SAMD5: variants seen among roughly 807,000 people sequenced by gnomAD.
SAMD5 encodes sterile alpha motif domain containing 5.
A neutral mutation model predicts 11.3 loss-of-function variants in SAMD5; 13 were observed. The ratio of observed to expected loss-of-function variants is 1.15; its 90% CI spans 0.75 to 1.83. The LOEUF (loss-of-function observed/expected upper bound fraction) is 1.83, where lower values mean the gene tolerates loss of function less well. Among genes scored for constraint, SAMD5 ranks in the 40% most tolerant of loss-of-function variants. The pLI is 0.00. For missense variants in SAMD5, 255 were observed against 239.1 expected (o/e 1.07, Z -0.44); for synonymous variants, 129 against 111.3 (o/e 1.16, Z -1.00).
At chr6:147,871,022 A>G in the SAMD5 span, among the ~76,000 whole-genome samples, 1 of 152,192 alleles carries the variant, frequency 6.6e-6, no homozygotes, top group African/African-American at 2.4e-5. Flanking sequence ...CTTGCCAGCC[A>G]TAGTGAAGTT....
chr6:147,893,316 G>C, the SAMD5 span, among the ~76,000 whole-genome samples: 7,152 of 152,170 alleles, frequency 0.047, 214 homozygotes, highest in Middle Eastern at 0.055. Context: ...TGGAGGATTA[G>C]AGGAGTTACA....
At chr6:147,929,236 A>C in the SAMD5 span, among the ~76,000 whole-genome samples, 1 of 152,172 alleles carries the variant, frequency 6.6e-6, no homozygotes, top group African/African-American at 2.4e-5. Context: ...TGTCAAAGTC[A>C]GGTAGTCAAG....
In SAMD5 at chr6:147,562,808, C is replaced by T. The variant is rs562459454; in HGVS notation, c.460-1586C>T. Among the ~76,000 whole-genome samples the T allele has an allele frequency of 1.7e-4, 25 of 151,016 alleles. No individual in the cohort carries two copies. The South Asian group carries it at 2.5e-3, about 15-fold the overall frequency. ...CTGCACTCCAGCCTGGGAGACAGAG[C>T]GAGACTCCGTCTCAAAAAAAAATAA... On this transcript the variant is annotated intron_variant, in intron 1 of 1. Transcript: ENST00000367474.
the SAMD5 span, among the ~76,000 whole-genome samples, chr6:147,805,991 A>G: frequency 6.6e-6 from 1 of 152,154 alleles, no homozygotes; most frequent in South Asian, 2.1e-4. Flanking sequence ...AGCTGCATCC[A>G]GACAGTCTCA....
intron 1 of SAMD5, among the ~76,000 whole-genome samples, chr6:147,691,194 A>G (rs1791098371): frequency 6.6e-6 from 1 of 152,060 alleles, no homozygotes; most frequent in South Asian, 2.1e-4. Flanking sequence ...CAGTTTTGCT[A>G]TGTTGGTCAG....
the SAMD5 span, among the ~76,000 whole-genome samples, chr6:147,770,970 G>A: frequency 6.6e-6 from 1 of 152,200 alleles, no homozygotes; most frequent in Non-Finnish European, 1.5e-5. Flanking sequence ...GCATTTGAAA[G>A]TCATCATATA....
At chr6:147,616,288 C>A (rs12177642) in intron 1 of SAMD5, among the ~76,000 whole-genome samples, 3 of 103,592 alleles carry the variant, frequency 2.9e-5, no homozygotes, top group Non-Finnish European at 5.0e-5. Context: ...TTCATATATA[C>A]TTCATATATA....
chr6:147,922,443 A>G, the SAMD5 span, among the ~76,000 whole-genome samples: 2 of 152,190 alleles, frequency 1.3e-5, no homozygotes, highest in Non-Finnish European at 2.9e-5. Flanking sequence ...TTGTTAGGAA[A>G]AATTTCTCTT....
intron 1 of SAMD5, among the ~76,000 whole-genome samples, chr6:147,588,315 T>C (rs1583096800): frequency 9.1e-5 from 3 of 32,796 alleles, no homozygotes; most frequent in South Asian, 9.9e-4. Context: ...TTTGTTGGTT[T>C]TTTTTTTTTT....
chr6:147,816,291 A>ATATAT, the SAMD5 span, among the ~76,000 whole-genome samples: 3 of 92,412 alleles, frequency 3.2e-5, no homozygotes, highest in African/African-American at 1.7e-4. Flanking sequence ...CAAAAAAAAA[A>ATATAT]AAAAAAAAAA....
the SAMD5 span, among the ~76,000 whole-genome samples, chr6:147,859,225 A>AG: frequency 1.4e-5 from 2 of 138,560 alleles, no homozygotes; most frequent in Non-Finnish European, 2.9e-5. Flanking sequence ...CCAAAAGCAT[A>AG]GGGGGACGTG....
chr6:147,592,832 C>T (rs1789475403), intron 1 of SAMD5, among the ~76,000 whole-genome samples: 2 of 152,150 alleles, frequency 1.3e-5, no homozygotes, highest in South Asian at 4.1e-4. Context: ...ATGGTTAGCA[C>T]AGCTATTACC....
chr6:147,729,020 G>A (rs187616591), intron 1 of SAMD5, among the ~76,000 whole-genome samples: 1 of 152,338 alleles, frequency 6.6e-6, no homozygotes, highest in Admixed American at 6.5e-5. Context: ...TTTGTTCGCA[G>A]TTCTGGAGGT....
chr6:147,728,743 T>A (rs899361772), intron 1 of SAMD5, among the ~76,000 whole-genome samples: 2 of 151,720 alleles, frequency 1.3e-5, no homozygotes, highest in Non-Finnish European at 2.9e-5. Context: ...TGTCCAGGAG[T>A]TTTTCTATAT....
intron 1 of SAMD5, among the ~76,000 whole-genome samples, chr6:147,548,271 T>A (rs1445681739): frequency 6.6e-6 from 1 of 152,212 alleles, no homozygotes; most frequent in Non-Finnish European, 1.5e-5. Flanking sequence ...TGATTTTATA[T>A]GAATGGTTTA....
intron 1 of SAMD5, among the ~76,000 whole-genome samples, chr6:147,668,976 G>A (rs1178403536): frequency 6.6e-6 from 1 of 152,142 alleles, no homozygotes; most frequent in African/African-American, 2.4e-5. Flanking sequence ...AGCCTTCAGT[G>A]AGTTATAATC....
At chr6:147,778,695 C>T in the SAMD5 span, among the ~76,000 whole-genome samples, 1 of 152,294 alleles carries the variant, frequency 6.6e-6, no homozygotes, top group Admixed American at 6.5e-5. Context: ...AGTTAAACAG[C>T]CCCTGCTCCC....
At chr6:147,613,257 A>G (rs538319875) in intron 1 of SAMD5, among the ~76,000 whole-genome samples, 81 of 152,002 alleles carry the variant, frequency 5.3e-4, no homozygotes, top group Non-Finnish European at 9.6e-4. Flanking sequence ...GCTGTGTAGT[A>G]CAGGAGGAGT....
the SAMD5 span, among the ~76,000 whole-genome samples, chr6:147,917,650 G>A: frequency 6.6e-6 from 1 of 152,088 alleles, no homozygotes; most frequent in African/African-American, 2.4e-5. Context: ...TGTCCTGAAT[G>A]GTATTGCCTA....
Sources: gnomAD v4.1 joint callset for allele counts (sites outside exome capture counted in the v4.1 genomes callset) on GRCh38, gnomAD v4.1.1 for gene constraint, MANE v1.5 for transcripts, NCBI Gene and HGNC (gene_info 2026-07-23, HGNC 2026-07-21) for gene names.